XPO5: variants seen among roughly 807,000 people sequenced by gnomAD.
XPO5 encodes the protein exportin 5, also known as exportin-5.
XPO5 carries 46 observed loss-of-function variants against 160.6 expected under a neutral mutation model. The ratio of observed to expected loss-of-function variants is 0.29; its 90% confidence interval spans 0.23 to 0.37. The LOEUF (loss-of-function observed/expected upper bound fraction) is 0.37, where lower values mean the gene tolerates loss of function less well. XPO5 is among the 10% of genes least tolerant of loss of function. The probability of loss-of-function intolerance (pLI) is 1.00; values close to 1 mark genes in which losing one functional copy is unlikely to be tolerated. For synonymous variants in XPO5, 537 were observed against 519.3 expected (o/e 1.03, Z -0.46); for missense variants, 1,090 against 1,463.9 (o/e 0.74, Z 4.17).
chr6:43,568,048 C>T (rs1002612485), intron 6 of XPO5, among the ~76,000 whole-genome samples: 12 of 151,534 alleles, frequency 7.9e-5, no homozygotes, highest in African/African-American at 2.7e-4. Context: ...GTGGCTCACA[C>T]CTGTAATCCC....
chr6:43,564,068 T>C lies in XPO5; in HGVS notation c.911+1592A>G, dbSNP rs184167150. 5.1e-3 allele frequency among the ~76,000 whole-genome samples: 783 copies of C among 152,118 alleles called. 1 individual carries two copies. Among genetic ancestry groups the C allele is most frequent in the Middle Eastern group, 0.014 (4 of 294 alleles). ...TCCCAAGTAGCTAAGAATACACACA[T>C]GCACCACCACGCCCGGCTAATTTTT... On this transcript the variant is annotated intron_variant, in intron 8 of 31. Transcript: ENST00000265351.
intron 12 of XPO5, 58 bp from the exon 13 acceptor site, chr6:43,556,022 A>T: frequency 5.0e-6 from 8 of 1,590,478 alleles, no homozygotes; most frequent in Non-Finnish European, 6.9e-6. Context: ...TAAAATAAGT[A>T]CTTAATGTTT....
chr6:43,556,167 G>A, intron 12 of XPO5: 1 of 581,268 alleles, frequency 1.7e-6, no homozygotes, highest in Non-Finnish European at 2.8e-6. Flanking sequence ...TCTGGAAACT[G>A]TATTACCAGC....
chr6:43,542,388 T>TA (rs1162362667), intron 20 of XPO5, among the ~76,000 whole-genome samples: 1 of 152,020 alleles, frequency 6.6e-6, no homozygotes, highest in East Asian at 1.9e-4. Context: ...TTTTCTCTAC[T>TA]AAAAAAATAG....
chr6:43,573,804 A>AATATAT (rs57760552), intron 1 of XPO5, among the ~76,000 whole-genome samples: 17 of 117,168 alleles, frequency 1.5e-4, no homozygotes, highest in African/African-American at 3.2e-4. Flanking sequence ...ATCTCTATTA[A>AATATAT]ATATATATAT....
chr6:43,556,261 C>T (rs928676972), intron 12 of XPO5, among the ~76,000 whole-genome samples: 2 of 152,146 alleles, frequency 1.3e-5, no homozygotes, highest in South Asian at 2.1e-4. Flanking sequence ...CAGTAGCTCA[C>T]GCCTGAAATC....
intron 20 of XPO5, among the ~76,000 whole-genome samples, chr6:43,541,104 G>A (rs1195007472): frequency 6.6e-6 from 1 of 152,122 alleles, no homozygotes; most frequent in Non-Finnish European, 1.5e-5. Context: ...GAGGGGCTGG[G>A]GAGGGTAGTG....
chr6:43,543,204 A>G (rs1794788347), intron 20 of XPO5, among the ~76,000 whole-genome samples: 1 of 152,186 alleles, frequency 6.6e-6, no homozygotes, highest in Non-Finnish European at 1.5e-5. Flanking sequence ...GGTGGCTCAC[A>G]TCTGTTATCC....
intron 21 of XPO5, among the ~76,000 whole-genome samples, chr6:43,531,971 A>G (rs1794016841): frequency 6.6e-6 from 1 of 152,228 alleles, no homozygotes; most frequent in South Asian, 2.1e-4. Context: ...CACTTACCTT[A>G]GTATTAAAAA....
chr6:43,542,120 T>A (rs1794727100), intron 20 of XPO5, among the ~76,000 whole-genome samples: 1 of 152,176 alleles, frequency 6.6e-6, no homozygotes, highest in African/African-American at 2.4e-5. Flanking sequence ...TACTTACAGT[T>A]CATCTCAATT....
chr6:43,529,045 CTG>C, intron 23 of XPO5, 120 bp from the exon 24 acceptor site: 1 of 1,129,776 alleles, frequency 8.9e-7, no homozygotes, highest in East Asian at 2.4e-5. Context: ...CAAAAATATC[CTG>C]TGTTAACAGT....
Position 43,523,685 on chromosome 6 carries a change from AC to A in XPO5, c.*182del. On this transcript the variant is annotated 3_prime_UTR_variant, in exon 32 of 32. Coordinates refer to ENST00000265351, the MANE Select transcript of XPO5 (RefSeq NM_020750.3). The stretch of plus-strand genomic sequence containing the variant: ...TTAAGCCCTAACTCCCTTTCTTGAT[AC>A]TTTAGTATAATTACTTCTGGTCCTG... The A allele has an allele frequency of 1.1e-6, 1 of 929,314 alleles. No homozygotes were observed. Among genetic ancestry groups the A allele is most frequent in the Non-Finnish European group, 1.8e-6 (1 of 556,914 alleles). The allele number at this position is 929,314 out of a possible 1,614,324, so 57.6% of individuals were successfully genotyped here.
At chr6:43,556,157 T>A in intron 12 of XPO5, 193 bp from the exon 13 acceptor site, 1 of 655,410 alleles carries the variant, frequency 1.5e-6, no homozygotes, top group Non-Finnish European at 2.4e-6. Flanking sequence ...ATAAATGATC[T>A]CTGGAAACTG....
At position 43,548,339 on chromosome 6, in the gene XPO5, T is replaced by C; in HGVS notation, c.1982A>G (p.Asn661Ser). The change falls in exon 18 of 32, where the codon AAC becomes AGC. Residue 661 changes from asparagine (N) to serine (S), a missense_variant. By Grantham distance (46) the Asn-to-Ser change is conservative (BLOSUM62 1). Coordinates refer to ENST00000265351, the MANE Select transcript of XPO5 (RefSeq NM_020750.3). ...ALVLISNQFKNYERQKVFLEE... is the reference protein window; with the variant it reads ...ALVLISNQFKSYERQKVFLEE... ...TAGGAACACCTTCTGACGCTCGTAG[T>C]TCTTAAATTGGTTGCTAATGAGAAC... is the stretch of plus-strand genomic sequence containing the variant. The C allele has an allele frequency of 1.2e-6, 2 of 1,613,672 alleles. No individual in the cohort carries two copies. The highest frequency in any genetic ancestry group is 1.7e-4 in the Middle Eastern group (1 of 6,058).
At chr6:43,542,934 C>A (rs1052531185) in intron 20 of XPO5, among the ~76,000 whole-genome samples, 4 of 151,982 alleles carry the variant, frequency 2.6e-5, no homozygotes, top group Non-Finnish European at 5.9e-5. Context: ...TCAACAGCAG[C>A]ATGATATGTA....
intron 5 of XPO5, among the ~76,000 whole-genome samples, 177 bp downstream of exon 5, chr6:43,570,325 A>AG (rs1185510883): frequency 1.3e-5 from 2 of 150,804 alleles, no homozygotes; most frequent in East Asian, 3.9e-4. Flanking sequence ...AAAAAAAAAA[A>AG]AAAAAAAAGA....
chr6:43,548,916 C>G (rs1795094910), intron 17 of XPO5, among the ~76,000 whole-genome samples: 1 of 152,022 alleles, frequency 6.6e-6, no homozygotes, highest in South Asian at 2.1e-4. Context: ...TAATTAAGAT[C>G]ATCACATAGT....
chr6:43,549,986 A>T, intron 15 of XPO5, 52 bp from the exon 16 acceptor site: 1 of 1,578,930 alleles, frequency 6.3e-7, no homozygotes, highest in East Asian at 2.3e-5. Context: ...TTTAGAGATG[A>T]GATCTTGCTA....
intron 20 of XPO5, among the ~76,000 whole-genome samples, chr6:43,545,977 T>C (rs902342310): frequency 2.0e-5 from 3 of 152,196 alleles, no homozygotes; most frequent in Non-Finnish European, 4.4e-5. Context: ...TGATTTAGTA[T>C]GTCTGGGGTG....
Sources: allele counts gnomAD v4.1 joint callset (sites outside exome capture counted in the v4.1 genomes callset), GRCh38; gene constraint gnomAD v4.1.1; transcripts MANE v1.5; gene names NCBI Gene and HGNC (gene_info 2026-07-23, HGNC 2026-07-21).